RNF220: variants seen among roughly 807,000 people sequenced by gnomAD.
The protein encoded by RNF220 is ring finger protein 220, also known as E3 ubiquitin-protein ligase RNF220.
A neutral mutation model predicts 67.1 loss-of-function variants in RNF220; 7 were observed. The observed-to-expected ratio is 0.10, with a 90% CI of 0.06 to 0.20. RNF220 has a LOEUF of 0.20. Ranked by LOEUF, RNF220 falls within the 10% of genes least tolerant of loss-of-function variation. The pLI is 1.00. For synonymous variants in RNF220, 270 were observed against 283.2 expected (o/e 0.95, Z 0.47); for missense variants, 565 against 740.3 (o/e 0.76, Z 2.75).
chr1:44,514,177 G>GT (rs1215331353), intron 2 of RNF220, among the ~76,000 whole-genome samples: 3 of 152,184 alleles, frequency 2.0e-5, no homozygotes, highest in Non-Finnish European at 2.9e-5. Flanking sequence ...GCAGGACCCT[G>GT]TTTCTCTTGT....
At chr1:44,536,187 T>C (rs1024801784) in intron 2 of RNF220, among the ~76,000 whole-genome samples, 1 of 151,950 alleles carries the variant, frequency 6.6e-6, no homozygotes. Context: ...CCCTCCATAC[T>C]CCTCCCAGAA....
At chr1:44,593,810 T>C (rs1666277160) in intron 2 of RNF220, among the ~76,000 whole-genome samples, 2 of 152,098 alleles carry the variant, frequency 1.3e-5, no homozygotes, top group South Asian at 4.1e-4. Context: ...TGGCCGGGCA[T>C]GGTGGCTCAC....
intron 8 of RNF220, among the ~76,000 whole-genome samples, chr1:44,638,961 C>T (rs1007851803): frequency 4.6e-5 from 7 of 152,190 alleles, no homozygotes; most frequent in Non-Finnish European, 8.8e-5. Flanking sequence ...AGCTGTGTGT[C>T]TAAGTTGTTG....
At chr1:44,414,640 G>A (rs909475962) in intron 2 of RNF220, among the ~76,000 whole-genome samples, 10 of 152,142 alleles carry the variant, frequency 6.6e-5, no homozygotes, top group Non-Finnish European at 1.3e-4. Context: ...CCTCACACAG[G>A]AGTACGCCTG....
In RNF220 at chr1:44,562,508, C is replaced by T. The variant is rs1354938572; in HGVS notation, c.626-51657C>T. Among the ~76,000 whole-genome samples the T allele has an allele frequency of 2.6e-5, 4 of 152,204 alleles. No individual in the cohort carries two copies. In the East Asian group the frequency reaches 5.8e-4, roughly 22 times the overall value. ...AACAAGCATCCATAGGTACGTCTCC[C>T]TGTCACTTTTATGAGGCCATTTCCT... On this transcript the variant is annotated intron_variant, in intron 2 of 14. Coordinates refer to ENST00000361799, the MANE Select transcript of RNF220 (RefSeq NM_018150.4).
chr1:44,469,147 A>G (rs1201808925), intron 2 of RNF220, among the ~76,000 whole-genome samples: 2 of 152,218 alleles, frequency 1.3e-5, no homozygotes, highest in South Asian at 2.1e-4. Context: ...TAATTTATAT[A>G]TTATTAAAGG....
chr1:44,612,012 G>A (rs1452949116), intron 2 of RNF220, among the ~76,000 whole-genome samples: 2 of 152,156 alleles, frequency 1.3e-5, no homozygotes, highest in East Asian at 1.9e-4. Context: ...GAGACTGGAC[G>A]CCTCATCTCC....
chr1:44,614,321 G>A (rs375201667), intron 3 of RNF220, 24 bp downstream of exon 3: 140 of 1,611,390 alleles, frequency 8.7e-5, no homozygotes, highest in African/African-American at 7.9e-4. Context: ...CAGGGAGCCT[G>A]CCTGCTGGAG....
intron 2 of RNF220, among the ~76,000 whole-genome samples, chr1:44,527,933 A>C (rs1192998285): frequency 2.3e-4 from 34 of 146,920 alleles, no homozygotes; most frequent in African/African-American, 6.7e-4. Flanking sequence ...CCCAAAAAAA[A>C]AAAAAAAAAA....
At chr1:44,633,698 G>C (rs1573135278) in intron 6 of RNF220, among the ~76,000 whole-genome samples, 1 of 152,330 alleles carries the variant, frequency 6.6e-6, no homozygotes, top group Non-Finnish European at 1.5e-5. Context: ...GAACATTGTG[G>C]TATCATCAGC....
chr1:44,609,873 C>T (rs1317611441), intron 2 of RNF220, among the ~76,000 whole-genome samples: 1 of 152,214 alleles, frequency 6.6e-6, no homozygotes, highest in East Asian at 1.9e-4. Context: ...CTCTGGAGGT[C>T]ATACAACTTA....
chr1:44,436,336 C>G (rs1366607389), intron 2 of RNF220, among the ~76,000 whole-genome samples: 1 of 151,878 alleles, frequency 6.6e-6, no homozygotes, highest in Non-Finnish European at 1.5e-5. Context: ...GAAAGACAGC[C>G]AGTTTTAGGG....
At chr1:44,443,504 C>G (rs1425110459) in intron 2 of RNF220, among the ~76,000 whole-genome samples, 1 of 152,192 alleles carries the variant, frequency 6.6e-6, no homozygotes, top group African/African-American at 2.4e-5. Flanking sequence ...TGCTAACATG[C>G]AGACTTGTTC....
At chr1:44,509,611 G>C (rs146124930) in intron 2 of RNF220, among the ~76,000 whole-genome samples, 6 of 151,402 alleles carry the variant, frequency 4.0e-5, no homozygotes, top group African/African-American at 1.5e-4. Flanking sequence ...GCATAGGCTG[G>C]GTGCAGTGGC....
chr1:44,557,655 T>G (rs750381822), intron 2 of RNF220, among the ~76,000 whole-genome samples: 1 of 152,196 alleles, frequency 6.6e-6, no homozygotes, highest in African/African-American at 2.4e-5. Flanking sequence ...TTAAATTCAT[T>G]TATGTTTTCT....
intron 2 of RNF220, among the ~76,000 whole-genome samples, chr1:44,519,270 A>G (rs1464446454): frequency 6.6e-6 from 1 of 152,256 alleles, no homozygotes; most frequent in African/African-American, 2.4e-5. Flanking sequence ...ACAAATATCT[A>G]TTTAAAGCTT....
At chr1:44,419,454 C>T (rs745977688) in intron 2 of RNF220, 1 of 152,200 alleles carries the variant, frequency 6.6e-6, no homozygotes, top group Non-Finnish European at 1.5e-5. Context: ...AATTTATCAT[C>T]TTCCAGCCTT....
At position 44,503,837 on chromosome 1, in the gene RNF220, C is replaced by T. The variant is rs115509798; in HGVS notation, c.625+91115C>T. Among the ~76,000 whole-genome samples the T allele has an allele frequency of 9.3e-3, 1,410 of 152,152 alleles. 15 individuals are homozygous for T. Among genetic ancestry groups the T allele is most frequent in the African/African-American group, 0.033 (1,363 of 41,492 alleles). ...GAACTGAAAGCTCTGGGTGTGGGGCCCAGCCATCCGTGGGTTGTTTTTTGT... is the reference window on the plus strand; with the variant it reads ...GAACTGAAAGCTCTGGGTGTGGGGCTCAGCCATCCGTGGGTTGTTTTTTGT... On this transcript the variant is annotated intron_variant, in intron 2 of 14. Coordinates refer to ENST00000361799, the MANE Select transcript of RNF220 (RefSeq NM_018150.4).
At chr1:44,426,017 G>A (rs1370015733) in intron 2 of RNF220, among the ~76,000 whole-genome samples, 1 of 152,168 alleles carries the variant, frequency 6.6e-6, no homozygotes, top group Non-Finnish European at 1.5e-5. Flanking sequence ...CCCAACTCTT[G>A]TAGACTTTTT....
Sources: gnomAD v4.1 joint callset for allele counts (sites outside exome capture counted in the v4.1 genomes callset) on GRCh38, gnomAD v4.1.1 for gene constraint, MANE v1.5 for transcripts, NCBI Gene and HGNC (gene_info 2026-07-23, HGNC 2026-07-21) for gene names.